GPHN: variants seen among roughly 807,000 people sequenced by gnomAD.
GPHN encodes gephyrin.
Under a neutral mutation model 95.5 loss-of-function variants are expected in GPHN, and 17 were observed. The ratio of observed to expected loss-of-function variants is 0.18; its 90% CI spans 0.12 to 0.27. GPHN has a LOEUF of 0.27. Among genes scored for constraint, GPHN ranks in the 10% least tolerant of loss-of-function variants. The pLI, the probability that GPHN is intolerant of heterozygous loss-of-function variation, is 1.00. For synonymous variants in GPHN, 320 were observed against 322.5 expected (o/e 0.99, Z 0.08); for missense variants, 660 against 978.1 (o/e 0.67, Z 4.34).
At chr14:67,710,686 G>T in the GPHN span, among the ~76,000 whole-genome samples, 1 of 149,994 alleles carries the variant, frequency 6.7e-6, no homozygotes. Context: ...AATAAGCTTT[G>T]AATTAGACAA....
intron 4 of GPHN, among the ~76,000 whole-genome samples, chr14:66,848,496 G>A (rs2062432115): frequency 6.6e-6 from 1 of 152,108 alleles, no homozygotes; most frequent in Admixed American, 6.6e-5. Context: ...AAGGCCATCT[G>A]TAGAAAGCTT....
At chr14:66,538,793 T>TC (rs5809317) in intron 1 of GPHN, among the ~76,000 whole-genome samples, 17 of 151,300 alleles carry the variant, frequency 1.1e-4, no homozygotes, top group African/African-American at 1.5e-4. Flanking sequence ...TTTTTTTTTT[T>TC]CACATATATT....
chr14:67,267,718 A>T, the GPHN span, among the ~76,000 whole-genome samples: 3 of 152,202 alleles, frequency 2.0e-5, no homozygotes, highest in African/African-American at 7.2e-5. Context: ...CACTTTTATC[A>T]CATGAAAACA....
intron 3 of GPHN, among the ~76,000 whole-genome samples, chr14:66,792,078 A>C (rs1178942912): frequency 2.6e-5 from 4 of 152,154 alleles, no homozygotes; most frequent in Non-Finnish European, 4.4e-5. Context: ...TACCCCCATG[A>C]TTCAATTATC....
intron 1 of GPHN, among the ~76,000 whole-genome samples, chr14:66,584,314 A>T (rs895110817): frequency 5.9e-5 from 9 of 152,160 alleles, no homozygotes; most frequent in African/African-American, 2.2e-4. Context: ...TTCTAGTTAT[A>T]CAATCTTGTC....
At chr14:67,294,320 C>G in the GPHN span, 1 of 152,000 alleles carries the variant, frequency 6.6e-6, no homozygotes, top group Non-Finnish European at 1.5e-5. Context: ...AGCACATAGT[C>G]AGAACTCAAC....
intron 5 of GPHN, among the ~76,000 whole-genome samples, chr14:66,886,306 G>A (rs2064185250): frequency 6.6e-6 from 1 of 152,052 alleles, no homozygotes; most frequent in Non-Finnish European, 1.5e-5. Context: ...GACAGCAACA[G>A]GCCACCCTGA....
intron 17 of GPHN, among the ~76,000 whole-genome samples, chr14:67,142,828 C>A (rs1352803965): frequency 6.6e-6 from 1 of 152,200 alleles, no homozygotes; most frequent in Non-Finnish European, 1.5e-5. Context: ...ACAGGCTTAA[C>A]CATTATTCCA....
At chr14:66,965,353 C>T (rs1396913781) in intron 9 of GPHN, 28 bp downstream of exon 9, 3 of 1,603,250 alleles carry the variant, frequency 1.9e-6, no homozygotes, top group African/African-American at 1.3e-5. Flanking sequence ...GCATCTTACA[C>T]CTGCTCTTCT....
At chr14:66,795,143 A>G (rs1401302422) in intron 3 of GPHN, among the ~76,000 whole-genome samples, 2 of 152,208 alleles carry the variant, frequency 1.3e-5, no homozygotes, top group Non-Finnish European at 2.9e-5. Flanking sequence ...CTGGGTATTG[A>G]CAATATTTTT....
chr14:67,527,858 T>C, the GPHN span, among the ~76,000 whole-genome samples: 1 of 152,232 alleles, frequency 6.6e-6, no homozygotes, highest in Admixed American at 6.5e-5. Context: ...GCTCTGCATG[T>C]AGGACCCCAC....
chr14:67,041,293 G>A (rs902298643), intron 10 of GPHN, among the ~76,000 whole-genome samples: 6 of 151,656 alleles, frequency 4.0e-5, no homozygotes, highest in Non-Finnish European at 7.4e-5. Context: ...AGGTATACAC[G>A]TGCCATGGTG....
chr14:67,221,816 C>T, the GPHN span: 10 of 1,612,578 alleles, frequency 6.2e-6, no homozygotes, highest in African/African-American at 2.7e-5. Flanking sequence ...AGGTATGGAA[C>T]AAATTCCACT....
At chr14:67,094,606 C>T (rs988943781) in intron 12 of GPHN, among the ~76,000 whole-genome samples, 1 of 152,144 alleles carries the variant, frequency 6.6e-6, no homozygotes, top group African/African-American at 2.4e-5. Flanking sequence ...GCCTCCGCTT[C>T]TGCCCTCTCC....
the GPHN span, among the ~76,000 whole-genome samples, chr14:67,210,640 T>C: frequency 3.9e-5 from 6 of 152,030 alleles, no homozygotes; most frequent in African/African-American, 1.4e-4. Context: ...CGTTATATAA[T>C]TGATTACACA....
chr14:66,671,870 A>T (rs2066322428), intron 1 of GPHN, among the ~76,000 whole-genome samples: 1 of 152,004 alleles, frequency 6.6e-6, no homozygotes. Flanking sequence ...CGAGAGGTGT[A>T]TTGATTTTAT....
intron 1 of GPHN, among the ~76,000 whole-genome samples, chr14:66,544,767 G>A (rs142564992): frequency 0.073 from 11,081 of 151,724 alleles, 902 homozygotes; most frequent in African/African-American, 0.2. Context: ...CTGGGTACTT[G>A]AGATTAGGGA....
At chr14:67,227,728 A>G in the GPHN span, 1 of 152,200 alleles carries the variant, frequency 6.6e-6, no homozygotes, top group Non-Finnish European at 1.5e-5. Context: ...AAATAATTCA[A>G]TAGCAGGTAT....
intron 1 of GPHN, among the ~76,000 whole-genome samples, chr14:66,629,173 A>ATT (rs373868496): frequency 1.1e-5 from 1 of 90,626 alleles, no homozygotes; most frequent in African/African-American, 6.1e-5. Flanking sequence ...ATATAAATAT[A>ATT]TATATACATA....
Sources: allele counts gnomAD v4.1 joint callset (sites outside exome capture counted in the v4.1 genomes callset), GRCh38; gene constraint gnomAD v4.1.1; transcripts MANE v1.5; gene names NCBI Gene and HGNC (gene_info 2026-07-23, HGNC 2026-07-21).